The following IRGM variants were observed in gnomAD, a reference collection of about 807,000 sequenced individuals.
IRGM encodes immunity related GTPase M, also known as immunity-related GTPase family M protein.
For missense variants in IRGM, 288 were observed against 219.9 expected, an observed-to-expected ratio of 1.31 and a Z score of -1.96; for synonymous variants, 98 against 80.6, an observed-to-expected ratio of 1.22 and a Z score of -1.16.
chr5:150,893,183 G>A (rs368140808), intron 3 of IRGM, among the ~76,000 whole-genome samples: 1 of 152,018 alleles, frequency 6.6e-6, no homozygotes, highest in East Asian at 1.9e-4. Context: ...TGAGCCAGAG[G>A]CATTACTGAA....
At chr5:150,902,120 T>A (rs1458809073), downstream of IRGM, among the ~76,000 whole-genome samples, 3 of 152,162 alleles carry the variant, frequency 2.0e-5, no homozygotes, top group East Asian at 5.8e-4. Flanking sequence ...AAAAGGTCTC[T>A]CTGTTTTAAA....
At chr5:150,894,142 T>G (rs970994840) in intron 3 of IRGM, among the ~76,000 whole-genome samples, 4 of 152,090 alleles carry the variant, frequency 2.6e-5, no homozygotes, top group African/African-American at 9.7e-5. Context: ...GATGCTGTGT[T>G]TATCACACAG....
At chr5:150,898,191 A>C (rs946421690) in intron 3 of IRGM, 34 of 1,612,414 alleles carry the variant, frequency 2.1e-5, no homozygotes, top group Non-Finnish European at 2.9e-5. Flanking sequence ...TACCCTATTA[A>C]ACAGAAATCA....
intron 1 of IRGM, among the ~76,000 whole-genome samples, chr5:150,865,054 G>A (rs1417043218): frequency 6.6e-6 from 1 of 152,174 alleles, no homozygotes; most frequent in Non-Finnish European, 1.5e-5. Context: ...GATGTGTGAT[G>A]CATACCATCT....
intron 1 of IRGM, among the ~76,000 whole-genome samples, chr5:150,875,345 G>A (rs1429633309): frequency 1.3e-5 from 2 of 152,202 alleles, no homozygotes; most frequent in African/African-American, 4.8e-5. Context: ...GCACCTGGCT[G>A]TGCACTTTGC....
At chr5:150,854,285 A>T (rs1286104590) in intron 1 of IRGM, among the ~76,000 whole-genome samples, 1 of 152,126 alleles carries the variant, frequency 6.6e-6, no homozygotes, top group African/African-American at 2.4e-5. Flanking sequence ...ACATGGATTT[A>T]TAATTATTTT....
intron 1 of IRGM, among the ~76,000 whole-genome samples, chr5:150,875,027 C>T (rs1269506040): frequency 4.6e-5 from 7 of 152,126 alleles, no homozygotes; most frequent in Non-Finnish European, 7.4e-5. Context: ...GTGGTGTATA[C>T]GTAATTGGGC....
At position 150,847,991 on chromosome 5, in the gene IRGM, G is replaced by A. The variant is rs1353025705; in HGVS notation, c.-133G>A. ...GCTAATTTTTTTGTATTTTAGTAGA[G>A]AAGGTTTCACGATGTTGGCCAGGAT... On this transcript the variant is annotated 5_prime_UTR_variant, in exon 2 of 2. Coordinates refer to ENST00000522154, the MANE Select transcript of IRGM (RefSeq NM_001145805.2). 2.9e-6 allele frequency: 2 copies of A among 683,392 alleles called. No individual in the cohort carries two copies. Among genetic ancestry groups the A allele is most frequent in the Non-Finnish European group, 4.9e-6 (2 of 408,760 alleles). 42.3% of individuals were successfully genotyped at this position (683,392 alleles called of 1,614,324 possible). A position where few individuals can be genotyped will look rare whatever the true frequency, so the allele number is the denominator to read the frequency against.
intron 1 of IRGM, among the ~76,000 whole-genome samples, chr5:150,857,012 T>C (rs1349804461): frequency 6.6e-6 from 1 of 151,802 alleles, no homozygotes. Context: ...ACATGTGCCA[T>C]GTTGGTGTGC....
At chr5:150,897,780 G>T in intron 3 of IRGM, 2 of 393,622 alleles carry the variant, frequency 5.1e-6, no homozygotes, top group South Asian at 9.1e-5. Flanking sequence ...ATTTATCTGG[G>T]AATATTGCCT....
chr5:150,859,934 G>A (rs1754112588), intron 1 of IRGM, among the ~76,000 whole-genome samples: 1 of 152,136 alleles, frequency 6.6e-6, no homozygotes, highest in Non-Finnish European at 1.5e-5. Flanking sequence ...TAAGAAATGG[G>A]TGAGGTCATC....
At chr5:150,850,069 A>T (rs1753952044), downstream of IRGM, among the ~76,000 whole-genome samples, 1 of 152,210 alleles carries the variant, frequency 6.6e-6, no homozygotes, top group Non-Finnish European at 1.5e-5. Flanking sequence ...TCATTAAAAA[A>T]CCAAAAATAC....
chr5:150,849,786 T>C (rs1753946878), downstream of IRGM, among the ~76,000 whole-genome samples: 1 of 152,040 alleles, frequency 6.6e-6, no homozygotes, highest in Admixed American at 6.6e-5. Context: ...TTTGTATTTT[T>C]AGTAGAGACC....
At chr5:150,880,117 T>C (rs1411348900) in intron 3 of IRGM, among the ~76,000 whole-genome samples, 1 of 152,224 alleles carries the variant, frequency 6.6e-6, no homozygotes, top group East Asian at 1.9e-4. Flanking sequence ...ATTAATTAAA[T>C]AGTTTTGTAT....
intron 3 of IRGM, among the ~76,000 whole-genome samples, chr5:150,887,332 G>GA (rs1018736104): frequency 2.2e-4 from 34 of 151,924 alleles, no homozygotes; most frequent in Admixed American, 1.2e-3. Context: ...CCAAGTAGAG[G>GA]AAAAAATCTC....
chr5:150,884,053 G>C (rs571096991), intron 3 of IRGM, among the ~76,000 whole-genome samples: 1 of 151,864 alleles, frequency 6.6e-6, no homozygotes, highest in Non-Finnish European at 1.5e-5. Context: ...ATCAAGTGGA[G>C]TTTATTCCAG....
chr5:150,899,836 AC>A (rs1452233522), intron 3 of IRGM, among the ~76,000 whole-genome samples: 1 of 152,106 alleles, frequency 6.6e-6, no homozygotes, highest in Non-Finnish European at 1.5e-5. Context: ...AATTGTTCAG[AC>A]TTTTTCCCCA....
rs72553867 is a variant in IRGM, at chr5:150,848,404, C to T, written c.281C>T (p.Thr94Ile). ...SNVVLWDLPG[T>I]GSATTTLENY... is the part of the protein sequence containing the mutation. ...GTGGTGTTGTGGGACCTGCCTGGCA[C>T]AGGGTCTGCCACCACAACCCTGGAG... Residue 94 changes from threonine (T) to isoleucine (I), a missense_variant, in exon 2 of 2, where the codon ACA becomes ATA. By Grantham distance (89) the Thr-to-Ile change is moderately conservative. Coordinates refer to ENST00000522154, the MANE Select transcript of IRGM (RefSeq NM_001145805.2). The T allele has an allele frequency of 5.8e-6, 9 of 1,551,856 alleles. No homozygotes were observed. Among genetic ancestry groups the T allele is most frequent in the Middle Eastern group, 3.3e-4 (2 of 5,992 alleles).
At chr5:150,850,368 A>G (rs1753957108), downstream of IRGM, among the ~76,000 whole-genome samples, 1 of 152,238 alleles carries the variant, frequency 6.6e-6, no homozygotes. Flanking sequence ...ATATACTGAT[A>G]TAGAACAATT....
Sources: gnomAD v4.1 joint callset for allele counts (sites outside exome capture counted in the v4.1 genomes callset) on GRCh38, gnomAD v4.1.1 for gene constraint, MANE v1.5 for transcripts, NCBI Gene and HGNC (gene_info 2026-07-23, HGNC 2026-07-21) for gene names.